Variants in BRSK2 observed in about 807,000 individuals in gnomAD.
BRSK2 encodes BR serine/threonine kinase 2, also known as serine/threonine-protein kinase BRSK2.
In BRSK2, 19 loss-of-function variants were observed where a neutral mutation model predicts 83.3. The observed-to-expected ratio is 0.23, with a 90% CI of 0.16 to 0.33. The LOEUF (loss-of-function observed/expected upper bound fraction) is 0.33. Ranked by LOEUF, BRSK2 falls within the 10% of genes least tolerant of loss-of-function variation. The pLI, the probability that BRSK2 is intolerant of heterozygous loss-of-function variation, is 1.00. For synonymous variants in BRSK2, 519 were observed against 435.4 expected (o/e 1.19, Z -2.39); for missense variants, 798 against 1,042.3 (o/e 0.77, Z 3.23).
chr11:1,414,168 G>T (rs1291046765), intron 1 of BRSK2, among the ~76,000 whole-genome samples: 1 of 152,214 alleles, frequency 6.6e-6, no homozygotes, highest in Non-Finnish European at 1.5e-5. Flanking sequence ...ATTTGTGCTG[G>T]TCAAAAATAC....
intron 19 of BRSK2, among the ~76,000 whole-genome samples, chr11:1,460,129 T>C (rs1438373133): frequency 2.2e-5 from 2 of 89,778 alleles, no homozygotes; most frequent in African/African-American, 4.3e-5. Flanking sequence ...GGCCAGGCCT[T>C]GGTGGGGAGG....
At chr11:1,405,921 C>T (rs141350165) in intron 1 of BRSK2, among the ~76,000 whole-genome samples, 7 of 152,250 alleles carry the variant, frequency 4.6e-5, no homozygotes, top group African/African-American at 7.2e-5. Flanking sequence ...CTTCTGTCCA[C>T]GTCAGACGCT....
In BRSK2 at chr11:1,436,070, C is replaced by A. The variant is rs1362237707; in HGVS notation, c.122C>A (p.Thr41Asn). 1 of 1,608,716 alleles carries A rather than the reference C, an allele frequency of 6.2e-7. No individual in the cohort carries two copies. Among genetic ancestry groups the A allele is most frequent in the Non-Finnish European group, 8.5e-7 (1 of 1,177,984 alleles). The change falls in exon 2 of 20, where the codon ACC (threonine) becomes AAC (asparagine). Residue 41 changes from threonine to asparagine, a missense_variant. This residue lies in a region of BRSK2 where 109 missense variants were observed against 259.2 expected (regional missense o/e 0.42). Coordinates refer to ENST00000528841, the MANE Select transcript of BRSK2 (RefSeq NM_001256627.2). The part of the protein sequence containing the change: ...GLVKLGVHCV[T>N]CQKVAIKIVN... ...GTGAAGCTGGGGGTTCACTGCGTCA[C>A]CTGCCAGAAGGTGGCCATCAAGATC... is the stretch of plus-strand genomic sequence containing the variant.
intron 16 of BRSK2, among the ~76,000 whole-genome samples, chr11:1,455,320 C>A (rs1273798959): frequency 6.7e-6 from 1 of 148,598 alleles, no homozygotes; most frequent in Non-Finnish European, 1.5e-5. Flanking sequence ...CACCCGCCTC[C>A]CCCACCGCCC....
At chr11:1,425,211 A>G (rs1425271124) in intron 1 of BRSK2, among the ~76,000 whole-genome samples, 1 of 152,220 alleles carries the variant, frequency 6.6e-6, no homozygotes, top group Non-Finnish European at 1.5e-5. Flanking sequence ...GCCACTCAGC[A>G]GGTGGCTTCG....
chr11:1,442,430 G>A lies in BRSK2; in HGVS notation c.414-60G>A. Reference sequence around the variant, plus strand: ...TGGGCTCTGGGCAGGGGGTCTCCAGGGCGGGGAGGCGCTCAAGGCAGAGAC... The same window carrying A: ...TGGGCTCTGGGCAGGGGGTCTCCAGAGCGGGGAGGCGCTCAAGGCAGAGAC... On this transcript the variant is annotated intron_variant, in intron 4 of 19. Coordinates refer to ENST00000528841, the MANE Select transcript of BRSK2 (RefSeq NM_001256627.2). 9 of 1,377,392 alleles carry A rather than the reference G, an allele frequency of 6.5e-6. No individual in the cohort carries two copies. The South Asian group carries it at 9.4e-5, about 14-fold the overall frequency. The allele number at this position is 1,377,392 out of a possible 1,614,324, so 85.3% of individuals were successfully genotyped here. A position where few individuals can be genotyped will look rare whatever the true frequency, so the allele number is the denominator to read the frequency against.
intron 8 of BRSK2, among the ~76,000 whole-genome samples, chr11:1,444,323 G>A (rs945428015): frequency 7.2e-5 from 11 of 152,120 alleles, no homozygotes; most frequent in African/African-American, 2.2e-4. Context: ...GGGACCGCAC[G>A]TGTCCACTTG....
At chr11:1,451,978 G>A (rs60707923) in intron 15 of BRSK2, among the ~76,000 whole-genome samples, 30,392 of 151,934 alleles carry the variant, frequency 0.2, 3,407 homozygotes, top group Middle Eastern at 0.27. Flanking sequence ...CCTTCCCAGC[G>A]CCCAGGCCCT....
At chr11:1,444,349 A>G (rs1590601200) in intron 8 of BRSK2, among the ~76,000 whole-genome samples, 1 of 152,174 alleles carries the variant, frequency 6.6e-6, no homozygotes, top group East Asian at 1.9e-4. Context: ...AGCAGGTCAC[A>G]CTCTGGGCTG....
At chr11:1,445,727 C>A (rs761522792) in intron 11 of BRSK2, 30 bp from the exon 12 acceptor site, 1 of 1,610,856 alleles carries the variant, frequency 6.2e-7, no homozygotes, top group South Asian at 1.1e-5. Context: ...GGTCCGGGGG[C>A]TGTCTGGCCT....
At chr11:1,452,856 A>G (rs985777079) in intron 15 of BRSK2, among the ~76,000 whole-genome samples, 1 of 152,154 alleles carries the variant, frequency 6.6e-6, no homozygotes, top group East Asian at 1.9e-4. Context: ...TTTGGCGACA[A>G]CTCGCTTGCT....
At chr11:1,448,426 C>A (rs1727552922) in intron 12 of BRSK2, among the ~76,000 whole-genome samples, 1 of 152,216 alleles carries the variant, frequency 6.6e-6, no homozygotes, top group Non-Finnish European at 1.5e-5. Flanking sequence ...TGCCCTCACT[C>A]TGCCTGCCCT....
At position 1,460,912 on chromosome 11, in the gene BRSK2, C is replaced by G. The variant is rs369832681; in HGVS notation, c.*189C>G. Reference sequence around the variant, plus strand: ...GCCACCCGCGCCCGCTCTCTTTTCTCTCTGTCTCTGCCTCTGCCTGTCTCT... The same window carrying G: ...GCCACCCGCGCCCGCTCTCTTTTCTGTCTGTCTCTGCCTCTGCCTGTCTCT... On this transcript the variant is annotated 3_prime_UTR_variant, in exon 20 of 20. Coordinates refer to ENST00000528841, the MANE Select transcript of BRSK2 (RefSeq NM_001256627.2). 1.6e-4 allele frequency: 256 copies of G among 1,609,014 alleles called. 1 individual carries two copies. The African/African-American group carries it at 2.7e-3, about 17-fold the overall frequency.
At chr11:1,437,656 G>A (rs1169813802) in intron 2 of BRSK2, among the ~76,000 whole-genome samples, 1 of 152,218 alleles carries the variant, frequency 6.6e-6, no homozygotes, top group Non-Finnish European at 1.5e-5. Context: ...CACACAACAG[G>A]ATGCCTGCCC....
chr11:1,404,775 A>T lies in BRSK2; in HGVS notation c.91+14400A>T, dbSNP rs980545648. Among the ~76,000 whole-genome samples the T allele has an allele frequency of 2.6e-5, 4 of 152,096 alleles. No homozygotes were observed. The South Asian group carries it at 6.2e-4, about 24-fold the overall frequency. The stretch of plus-strand genomic sequence containing the variant: ...AGCCGCCCGCTACCCACTGCCCACT[A>T]AGCAGCTCTATTCTTACCGCGCCCT... On this transcript the variant is annotated intron_variant, in intron 1 of 19. Transcript: ENST00000528841.
chr11:1,453,601 C>T (rs1020284554), intron 15 of BRSK2, among the ~76,000 whole-genome samples: 2 of 152,180 alleles, frequency 1.3e-5, no homozygotes, highest in East Asian at 1.9e-4. Flanking sequence ...ACCTGGTCCC[C>T]GTGCTTGTCC....
At chr11:1,403,002 C>T (rs906842648) in intron 1 of BRSK2, among the ~76,000 whole-genome samples, 26 of 152,226 alleles carry the variant, frequency 1.7e-4, no homozygotes, top group Admixed American at 1.3e-3. Context: ...CCGCCGAGGG[C>T]GTTTGCAGAT....
At chr11:1,433,310 TC>T (rs1564834250) in intron 1 of BRSK2, among the ~76,000 whole-genome samples, 2 of 152,238 alleles carry the variant, frequency 1.3e-5, no homozygotes, top group Non-Finnish European at 2.9e-5. Context: ...GACCACAGCC[TC>T]CCTCCTGCTT....
chr11:1,413,356 C>G (rs1056703186), intron 1 of BRSK2, among the ~76,000 whole-genome samples: 5 of 152,082 alleles, frequency 3.3e-5, no homozygotes, highest in Admixed American at 1.3e-4. Flanking sequence ...CACGGGGAGA[C>G]TCACAGAGGC....
Sources: allele counts gnomAD v4.1 joint callset (sites outside exome capture counted in the v4.1 genomes callset), GRCh38; gene constraint gnomAD v4.1.1; regional missense constraint gnomAD v4.1.1; transcripts MANE v1.5; gene names NCBI Gene and HGNC (gene_info 2026-07-23, HGNC 2026-07-21).